Variants in SLCO6A1 observed in about 807,000 individuals in gnomAD.
The protein encoded by SLCO6A1 is solute carrier organic anion transporter family member 6A1.
A neutral mutation model predicts 72.7 loss-of-function variants in SLCO6A1; 65 were observed. The ratio of observed to expected loss-of-function variants is 0.89; its 90% CI spans 0.73 to 1.10. The LOEUF is 1.10. Ranked by LOEUF, SLCO6A1 falls within the 50% of genes least tolerant of loss-of-function variation. The pLI is 0.00. For missense variants in SLCO6A1, 874 were observed against 872.6 expected, an observed-to-expected ratio of 1.00 and a Z score of -0.02; for synonymous variants, 314 against 298.2, an observed-to-expected ratio of 1.05 and a Z score of -0.55.
intron 1 of SLCO6A1, among the ~76,000 whole-genome samples, chr5:102,481,914 A>G (rs191061426): frequency 1.7e-4 from 26 of 152,284 alleles, no homozygotes; most frequent in African/African-American, 6.3e-4. Flanking sequence ...GCCCTAACTA[A>G]ATTTTTGAGG....
chr5:102,458,562 C>T (rs1188964245), intron 5 of SLCO6A1, 71 bp from the exon 6 acceptor site: 6 of 951,756 alleles, frequency 6.3e-6, no homozygotes, highest in African/African-American at 1.7e-5. Context: ...AACCTACATA[C>T]ACACCCTAAT....
intron 10 of SLCO6A1, among the ~76,000 whole-genome samples, chr5:102,396,484 A>G (rs1379314353): frequency 6.6e-6 from 1 of 152,188 alleles, no homozygotes; most frequent in African/African-American, 2.4e-5. Context: ...GAACTTTAGA[A>G]TCAGGCTATG....
chr5:102,498,440 C>A, intron 1 of SLCO6A1, 47 bp downstream of exon 1: 1 of 1,550,462 alleles, frequency 6.4e-7, no homozygotes, highest in Non-Finnish European at 8.8e-7. Flanking sequence ...TCCGCCAGTG[C>A]GGCCCCAGCT....
chr5:102,480,266 G>A lies in SLCO6A1; in HGVS notation c.527C>T (p.Ala176Val). 1.2e-6 allele frequency: 2 copies of A among 1,613,206 alleles called. No homozygotes were observed. Among genetic ancestry groups the A allele is most frequent in the South Asian group, 1.1e-5 (1 of 91,028 alleles). ...GDRKKVIWFV[A>V]SSFLIGLGSL... ...TCCAAGTCCTATTAAAAAGGAGGAAGCTACAAACCATATTACTTTTTTTCT... is the reference window on the plus strand; with the variant it reads ...TCCAAGTCCTATTAAAAAGGAGGAAACTACAAACCATATTACTTTTTTTCT... Residue 176 changes from alanine to valine, a missense_variant, in exon 2 of 14, where the codon GCT (alanine) becomes GTT (valine). Coordinates refer to ENST00000506729, the MANE Select transcript of SLCO6A1 (RefSeq NM_173488.5).
At chr5:102,408,226 G>T (rs1055790382) in intron 9 of SLCO6A1, among the ~76,000 whole-genome samples, 1 of 147,546 alleles carries the variant, frequency 6.8e-6, no homozygotes, top group Admixed American at 6.8e-5. Context: ...TGTAATAAAA[G>T]TTATGTGAAG....
chr5:102,475,080 T>C (rs1458763910), intron 4 of SLCO6A1, among the ~76,000 whole-genome samples: 4 of 152,210 alleles, frequency 2.6e-5, no homozygotes, highest in Non-Finnish European at 5.9e-5. Flanking sequence ...CAATCCAATT[T>C]CTGAGTATAT....
intron 7 of SLCO6A1, among the ~76,000 whole-genome samples, chr5:102,425,299 G>A (rs896401081): frequency 1.1e-4 from 16 of 152,068 alleles, no homozygotes; most frequent in African/African-American, 3.1e-4. Flanking sequence ...GAAATAAAGC[G>A]TATTCAAATA....
At chr5:102,433,622 A>G (rs1180702979) in intron 7 of SLCO6A1, among the ~76,000 whole-genome samples, 4 of 152,090 alleles carry the variant, frequency 2.6e-5, no homozygotes. Flanking sequence ...CAAGGTAGAA[A>G]CATGCTGTGC....
intron 9 of SLCO6A1, among the ~76,000 whole-genome samples, chr5:102,404,541 A>G (rs1162716808): frequency 6.6e-6 from 1 of 152,204 alleles, no homozygotes; most frequent in Admixed American, 6.5e-5. Context: ...TATATTTTGA[A>G]AGTTTATAAC....
chr5:102,420,224 A>G (rs1337277383), intron 7 of SLCO6A1, among the ~76,000 whole-genome samples: 4 of 152,232 alleles, frequency 2.6e-5, no homozygotes, highest in African/African-American at 9.6e-5. Context: ...GGCTGAAGCC[A>G]TAGGCCTACT....
chr5:102,414,138 T>C (rs1205249832), intron 8 of SLCO6A1, among the ~76,000 whole-genome samples: 3 of 152,186 alleles, frequency 2.0e-5, no homozygotes, highest in African/African-American at 7.2e-5. Flanking sequence ...GTGTCACATC[T>C]AAAAGATACT....
intron 4 of SLCO6A1, among the ~76,000 whole-genome samples, chr5:102,461,575 G>A (rs10080207): frequency 0.65 from 98,338 of 151,890 alleles, 32,038 homozygotes; most frequent in African/African-American, 0.67. Flanking sequence ...AGAAATGTTT[G>A]TCAGGGAATA....
chr5:102,384,953 G>A (rs907053512), intron 12 of SLCO6A1, among the ~76,000 whole-genome samples: 3 of 152,116 alleles, frequency 2.0e-5, no homozygotes, highest in Non-Finnish European at 4.4e-5. Context: ...TGTGGGAGCA[G>A]GCCTAAGCAT....
chr5:102,417,395 C>T (rs548949577), intron 8 of SLCO6A1, among the ~76,000 whole-genome samples: 1 of 151,412 alleles, frequency 6.6e-6, no homozygotes, highest in South Asian at 2.1e-4. Context: ...TCCCATTTGT[C>T]CTATCTCTTT....
intron 6 of SLCO6A1, among the ~76,000 whole-genome samples, chr5:102,452,471 C>G (rs1012608414): frequency 6.6e-6 from 1 of 152,106 alleles, no homozygotes; most frequent in African/African-American, 2.4e-5. Context: ...CTAATTCCAA[C>G]TACTTTTACA....
At chr5:102,389,392 C>T (rs1199780356) in intron 11 of SLCO6A1, among the ~76,000 whole-genome samples, 1 of 151,148 alleles carries the variant, frequency 6.6e-6, no homozygotes, top group Non-Finnish European at 1.5e-5. Flanking sequence ...ACAAAAATCT[C>T]CACAGCAGCA....
intron 6 of SLCO6A1, among the ~76,000 whole-genome samples, chr5:102,456,486 T>G (rs1330158944): frequency 6.6e-6 from 1 of 152,150 alleles, no homozygotes; most frequent in Non-Finnish European, 1.5e-5. Flanking sequence ...AAACCATGAA[T>G]GAACTCCCAT....
chr5:102,402,571 T>C (rs1021221119), intron 9 of SLCO6A1, among the ~76,000 whole-genome samples: 1 of 152,186 alleles, frequency 6.6e-6, no homozygotes, highest in Non-Finnish European at 1.5e-5. Context: ...AATATGAAGA[T>C]GGTGGCATCT....
chr5:102,464,275 A>G (rs1193662720), intron 4 of SLCO6A1, among the ~76,000 whole-genome samples: 1 of 152,214 alleles, frequency 6.6e-6, no homozygotes, highest in Non-Finnish European at 1.5e-5. Flanking sequence ...ATGATAAAAA[A>G]CTTTTAAAGT....
Sources: gnomAD v4.1 joint callset for allele counts (sites outside exome capture counted in the v4.1 genomes callset) on GRCh38, gnomAD v4.1.1 for gene constraint, MANE v1.5 for transcripts, NCBI Gene and HGNC (gene_info 2026-07-23, HGNC 2026-07-21) for gene names.